The following STK3 variants were observed in gnomAD, a reference collection of about 807,000 sequenced individuals.
The protein encoded by STK3 is serine/threonine kinase 3, also known as serine/threonine-protein kinase 3.
STK3 carries 41 observed loss-of-function variants against 58.0 expected under a neutral mutation model. That is an observed-to-expected ratio of 0.71 (90% CI 0.55 to 0.92). The LOEUF is 0.92. Ranked by LOEUF, STK3 falls within the 40% of genes least tolerant of loss-of-function variation. The probability of loss-of-function intolerance (pLI) is 0.00; values close to 1 mark genes in which losing one functional copy is unlikely to be tolerated. For synonymous variants in STK3, 170 were observed against 191.0 expected (o/e 0.89, Z 0.91); for missense variants, 479 against 602.7 (o/e 0.79, Z 2.15).
intron 10 of STK3, among the ~76,000 whole-genome samples, chr8:98,517,926 T>G (rs1039864316): frequency 1.3e-5 from 2 of 152,092 alleles, no homozygotes; most frequent in African/African-American, 4.8e-5. Flanking sequence ...AAAGCCCACA[T>G]AGTCAAAATA....
chr8:98,603,818 A>G lies in STK3; in HGVS notation c.685-7649T>C, dbSNP rs115995762. Among the ~76,000 whole-genome samples, 478 of 152,266 alleles carry G rather than the reference A, an allele frequency of 3.1e-3. 1 individual carries two copies. The highest frequency in any genetic ancestry group is 0.01 in the African/African-American group (424 of 41,560). ...AAGAAGGGAAGGGAAGGAGGGAAAG[A>G]TGATGTAGAGAGATAGAATGAATAA... On this transcript the variant is annotated intron_variant, in intron 6 of 10. Transcript: ENST00000419617.
intron 6 of STK3, among the ~76,000 whole-genome samples, chr8:98,610,772 CT>C (rs1466762664): frequency 6.6e-6 from 1 of 152,146 alleles, no homozygotes; most frequent in East Asian, 1.9e-4. Flanking sequence ...AGGGCATAAT[CT>C]TTGGGCAAAG....
intron 3 of STK3, among the ~76,000 whole-genome samples, chr8:98,870,686 G>T (rs1437872423): frequency 2.0e-5 from 3 of 152,146 alleles, no homozygotes; most frequent in Non-Finnish European, 4.4e-5. Context: ...TTTTGTTGGG[G>T]TTGTTTGATT....
At chr8:98,510,823 G>T (rs1019274392) in intron 10 of STK3, among the ~76,000 whole-genome samples, 1 of 152,014 alleles carries the variant, frequency 6.6e-6, no homozygotes, top group Non-Finnish European at 1.5e-5. Context: ...CATAAAATAG[G>T]TAAAATAGGA....
At chr8:98,905,365 G>A in intron 1 of STK3, 1 of 1,044,214 alleles carries the variant, frequency 9.6e-7, no homozygotes, top group Non-Finnish European at 1.5e-6. Context: ...TCAATGACTG[G>A]ACCATACTTC....
downstream of STK3, among the ~76,000 whole-genome samples, chr8:98,370,219 T>G (rs951088802): frequency 1.3e-5 from 2 of 151,442 alleles, no homozygotes; most frequent in Admixed American, 6.6e-5. Context: ...TTAATGTTTG[T>G]TGGGTGGGGG....
At chr8:98,432,780 C>A (rs776133051) in intron 3 of STK3, 4 of 166,998 alleles carry the variant, frequency 2.4e-5, no homozygotes. Flanking sequence ...TTGAGGATGC[C>A]ATATTTGAGA....
intron 7 of STK3, among the ~76,000 whole-genome samples, chr8:98,588,138 A>G (rs1380094480): frequency 2.0e-5 from 3 of 151,692 alleles, no homozygotes; most frequent in Non-Finnish European, 2.9e-5. Flanking sequence ...TGATCCTGTC[A>G]TGATGATGTT....
At chr8:98,903,557 C>CTTCT (rs1564093746) in intron 1 of STK3, among the ~76,000 whole-genome samples, 9 of 9,936 alleles carry the variant, frequency 9.1e-4, no homozygotes, top group Non-Finnish European at 1.6e-3. Context: ...CTTCTTCTTC[C>CTTCT]TTTTTTTTTT....
chr8:98,674,028 T>C (rs1295560760), intron 6 of STK3, among the ~76,000 whole-genome samples: 1 of 152,194 alleles, frequency 6.6e-6, no homozygotes. Flanking sequence ...CATGAAATTA[T>C]GTAATTCATC....
At chr8:98,871,617 G>A (rs1837383582) in intron 3 of STK3, among the ~76,000 whole-genome samples, 1 of 148,060 alleles carries the variant, frequency 6.8e-6, no homozygotes, top group South Asian at 2.1e-4. Flanking sequence ...GTGAATGGGA[G>A]TTCACTCATG....
At chr8:98,474,913 G>T (rs1388143366) in intron 10 of STK3, among the ~76,000 whole-genome samples, 1 of 152,120 alleles carries the variant, frequency 6.6e-6, no homozygotes, top group Admixed American at 6.5e-5. Context: ...CCCAAATTTA[G>T]CAGGTGCCTA....
At chr8:98,380,263 T>C (rs918925590) in intron 1 of STK3, among the ~76,000 whole-genome samples, 1 of 152,136 alleles carries the variant, frequency 6.6e-6, no homozygotes, top group African/African-American at 2.4e-5. Context: ...TGTACACTTA[T>C]TACGGGGATA....
intron 6 of STK3, among the ~76,000 whole-genome samples, chr8:98,705,429 A>C (rs921143481): frequency 6.6e-6 from 1 of 152,094 alleles, no homozygotes; most frequent in Admixed American, 6.6e-5. Context: ...AAAAAAAAAA[A>C]AACTCTCTTT....
At chr8:98,762,399 G>A (rs780160983) in intron 3 of STK3, among the ~76,000 whole-genome samples, 8 of 152,156 alleles carry the variant, frequency 5.3e-5, no homozygotes, top group Non-Finnish European at 8.8e-5. Context: ...GGGATTACAG[G>A]TGCCTGCCAC....
intron 1 of STK3, among the ~76,000 whole-genome samples, chr8:98,444,426 G>A (rs984632534): frequency 3.9e-5 from 6 of 152,192 alleles, no homozygotes; most frequent in Non-Finnish European, 8.8e-5. Context: ...ATGGAGCAGG[G>A]TGAGATCGAC....
At position 98,510,536 on chromosome 8, in the gene STK3, G is replaced by A. The variant is rs961238944; in HGVS notation, c.1317+16206C>T. Among the ~76,000 whole-genome samples, 3 of 151,528 alleles carry A rather than the reference G, an allele frequency of 2.0e-5. No individual in the cohort carries two copies. In the East Asian group the frequency reaches 5.8e-4, roughly 29 times the overall value. ...CTGCTCTCAATGATATTATGAACTAGTATCCTTTTCCACTATTAATAATTT... is the reference window on the plus strand; with the variant it reads ...CTGCTCTCAATGATATTATGAACTAATATCCTTTTCCACTATTAATAATTT... On this transcript the variant is annotated intron_variant, in intron 10 of 10. Transcript: ENST00000419617.
At chr8:98,348,249 A>G in the STK3 span, among the ~76,000 whole-genome samples, 3 of 152,222 alleles carry the variant, frequency 2.0e-5, no homozygotes, top group Non-Finnish European at 4.4e-5. Flanking sequence ...TCCTTCACAA[A>G]CAGTAGCTCA....
chr8:98,599,974 GA>G (rs1265952342), intron 6 of STK3, among the ~76,000 whole-genome samples: 1 of 151,004 alleles, frequency 6.6e-6, no homozygotes, highest in African/African-American at 2.4e-5. Context: ...ATCTAAAAAA[GA>G]AAAAAAATGT....
Sources: allele counts gnomAD v4.1 joint callset (sites outside exome capture counted in the v4.1 genomes callset), GRCh38; gene constraint gnomAD v4.1.1; transcripts MANE v1.5; gene names NCBI Gene and HGNC (gene_info 2026-07-23, HGNC 2026-07-21).